The following ZSWIM6 variants were observed in gnomAD, a reference collection of about 807,000 sequenced individuals.
ZSWIM6 encodes the protein zinc finger SWIM domain-containing protein 6.
Under a neutral mutation model 113.2 loss-of-function variants are expected in ZSWIM6, and 9 were observed. The observed-to-expected ratio is 0.08, with a 90% CI of 0.05 to 0.14. ZSWIM6 has a LOEUF of 0.14. ZSWIM6 is among the 10% of genes least tolerant of loss of function. The pLI is 1.00. For missense variants in ZSWIM6, 1,162 were observed against 1,552.2 expected (o/e 0.75, Z 4.22); for synonymous variants, 611 against 606.5 (o/e 1.01, Z -0.11).
At chr5:61,434,536 ATGATATT>A (rs1241155754) in intron 1 of ZSWIM6, among the ~76,000 whole-genome samples, 1 of 151,666 alleles carries the variant, frequency 6.6e-6, no homozygotes, top group Non-Finnish European at 1.5e-5. Context: ...GTGAGAACAT[ATGATATT>A]TGGTTTTCCA....
In ZSWIM6 at chr5:61,465,363, G is replaced by T. The variant is rs1457905927; in HGVS notation, c.677-7318G>T. 2.6e-5 allele frequency among the ~76,000 whole-genome samples: 4 copies of T among 151,386 alleles called. No homozygotes were observed. The East Asian group carries it at 7.8e-4, about 29-fold the overall frequency. ...AAAAATTAGTTGATAGTAATTTGTT[G>T]TTGGTGGTAGGGAACCCTTATGTGC... On this transcript the variant is annotated intron_variant, in intron 1 of 13. Transcript: ENST00000252744.
chr5:61,358,618 A>G (rs563675077), intron 1 of ZSWIM6, among the ~76,000 whole-genome samples: 1 of 152,352 alleles, frequency 6.6e-6, no homozygotes, highest in African/African-American at 2.4e-5. Context: ...TTCACTTTCC[A>G]AATATTAAGA....
intron 3 of ZSWIM6, among the ~76,000 whole-genome samples, 167 bp downstream of exon 3, chr5:61,491,101 G>A (rs1748164022): frequency 6.6e-6 from 1 of 151,884 alleles, no homozygotes; most frequent in African/African-American, 2.4e-5. Flanking sequence ...TTTTTCCTTA[G>A]GTGATCTTAG....
chr5:61,465,997 A>C (rs1435285314), intron 1 of ZSWIM6, among the ~76,000 whole-genome samples: 3 of 152,178 alleles, frequency 2.0e-5, no homozygotes, highest in South Asian at 2.1e-4. Context: ...CAGTCCCTTT[A>C]ATTTAGGATT....
At chr5:61,369,318 C>T (rs749566818) in intron 1 of ZSWIM6, among the ~76,000 whole-genome samples, 3 of 152,160 alleles carry the variant, frequency 2.0e-5, no homozygotes, top group Non-Finnish European at 2.9e-5. Flanking sequence ...CAGTGAAAGC[C>T]AAGTTACTAT....
intron 1 of ZSWIM6, among the ~76,000 whole-genome samples, chr5:61,453,619 A>T (rs753036210): frequency 6.6e-6 from 1 of 151,848 alleles, no homozygotes; most frequent in Non-Finnish European, 1.5e-5. Context: ...CAAGCAGTCC[A>T]CTTGCCTTGA....
intron 1 of ZSWIM6, among the ~76,000 whole-genome samples, chr5:61,387,779 C>G (rs554445492): frequency 6.6e-6 from 1 of 151,460 alleles, no homozygotes; most frequent in Non-Finnish European, 1.5e-5. Flanking sequence ...GGCATGGTGG[C>G]GCATCCCTGT....
At chr5:61,406,957 C>A (rs1164703836) in intron 1 of ZSWIM6, among the ~76,000 whole-genome samples, 1 of 152,144 alleles carries the variant, frequency 6.6e-6, no homozygotes, top group South Asian at 2.1e-4. Context: ...AGGTGATCCA[C>A]CCACCTCAGC....
chr5:61,513,687 T>G (rs892675631), intron 4 of ZSWIM6, among the ~76,000 whole-genome samples: 1 of 152,136 alleles, frequency 6.6e-6, no homozygotes, highest in African/African-American at 2.4e-5. Flanking sequence ...TTTTTTTACA[T>G]GAATATCTAA....
At chr5:61,458,541 A>G (rs1424476488) in intron 1 of ZSWIM6, among the ~76,000 whole-genome samples, 1 of 152,164 alleles carries the variant, frequency 6.6e-6, no homozygotes, top group Non-Finnish European at 1.5e-5. Context: ...AAAGAAGGTA[A>G]GAGACCACTG....
At chr5:61,523,094 C>A (rs761337834) in intron 5 of ZSWIM6, among the ~76,000 whole-genome samples, 1 of 152,176 alleles carries the variant, frequency 6.6e-6, no homozygotes, top group Non-Finnish European at 1.5e-5. Flanking sequence ...CACCAGGGTA[C>A]CTACTTTTAG....
intron 1 of ZSWIM6, among the ~76,000 whole-genome samples, chr5:61,334,520 G>T (rs1744348036): frequency 6.6e-6 from 1 of 152,122 alleles, no homozygotes; most frequent in Non-Finnish European, 1.5e-5. Flanking sequence ...TGGAAGTGGG[G>T]TGGGGGTCTG....
chr5:61,449,568 T>C (rs907847618), intron 1 of ZSWIM6, among the ~76,000 whole-genome samples: 4 of 152,138 alleles, frequency 2.6e-5, no homozygotes, highest in African/African-American at 9.7e-5. Context: ...TAGGTTTGAA[T>C]AAGGCCATAT....
chr5:61,526,961 C>G (rs1257133674), intron 7 of ZSWIM6, among the ~76,000 whole-genome samples: 1 of 152,180 alleles, frequency 6.6e-6, no homozygotes, highest in South Asian at 2.1e-4. Context: ...AACTTTTTAG[C>G]TGTAATAATT....
chr5:61,333,486 C>T (rs1282237617), intron 1 of ZSWIM6, among the ~76,000 whole-genome samples: 3 of 151,990 alleles, frequency 2.0e-5, no homozygotes, highest in Non-Finnish European at 2.9e-5. Flanking sequence ...GGGGAATACA[C>T]TTAAAGCCGC....
At chr5:61,363,622 G>C (rs1035871184) in intron 1 of ZSWIM6, among the ~76,000 whole-genome samples, 13 of 152,278 alleles carry the variant, frequency 8.5e-5, no homozygotes, top group African/African-American at 2.9e-4. Flanking sequence ...GTTGGCTTGG[G>C]GGGTGGGGAG....
At chr5:61,340,369 A>G (rs1744516984) in intron 1 of ZSWIM6, among the ~76,000 whole-genome samples, 2 of 152,208 alleles carry the variant, frequency 1.3e-5, no homozygotes, top group South Asian at 2.1e-4. Flanking sequence ...ATATGTGATG[A>G]TGTCCACAGG....
At chr5:61,411,416 C>A (rs964145146) in intron 1 of ZSWIM6, among the ~76,000 whole-genome samples, 1 of 152,126 alleles carries the variant, frequency 6.6e-6, no homozygotes, top group Admixed American at 6.5e-5. Flanking sequence ...TAATTGGAAG[C>A]TTTTGGACAA....
intron 10 of ZSWIM6, among the ~76,000 whole-genome samples, chr5:61,537,557 G>GT (rs1561284185): frequency 8.2e-6 from 1 of 121,440 alleles, no homozygotes; most frequent in African/African-American, 3.8e-5. Context: ...GATATTCTGA[G>GT]TTAAAAAAAA....
Sources: gnomAD v4.1 joint callset for allele counts (sites outside exome capture counted in the v4.1 genomes callset) on GRCh38, gnomAD v4.1.1 for gene constraint, MANE v1.5 for transcripts, NCBI Gene and HGNC (gene_info 2026-07-23, HGNC 2026-07-21) for gene names.